KCNH7: variants seen among roughly 807,000 people sequenced by gnomAD.
The protein encoded by KCNH7 is voltage-gated inwardly rectifying potassium channel KCNH7.
In KCNH7, 49 loss-of-function variants were observed where a neutral mutation model predicts 120.8. The observed-to-expected ratio is 0.41, with a 90% CI of 0.32 to 0.51. The LOEUF (loss-of-function observed/expected upper bound fraction) is 0.51, where lower values mean the gene tolerates loss of function less well. KCNH7 is among the 20% of genes least tolerant of loss of function. The pLI, the probability that KCNH7 is intolerant of heterozygous loss-of-function variation, is 0.38. For synonymous variants in KCNH7, 547 were observed against 516.1 expected, an observed-to-expected ratio of 1.06 and a Z score of -0.81; for missense variants, 1,097 against 1,446.6, an observed-to-expected ratio of 0.76 and a Z score of 3.92.
At chr2:162,385,778 G>GTCTC (rs1686554347) in intron 12 of KCNH7, among the ~76,000 whole-genome samples, 1 of 151,824 alleles carries the variant, frequency 6.6e-6, no homozygotes, top group South Asian at 2.1e-4. Context: ...TGAAGACAGT[G>GTCTC]TCTCCATCCA....
intron 7 of KCNH7, among the ~76,000 whole-genome samples, chr2:162,444,147 C>T (rs561311640): frequency 1.3e-5 from 2 of 152,120 alleles, no homozygotes; most frequent in Non-Finnish European, 2.9e-5. Context: ...AACCTTTCTG[C>T]ACTGTGTTTG....
At chr2:162,379,663 A>G (rs917467443) in intron 14 of KCNH7, among the ~76,000 whole-genome samples, 190 bp downstream of exon 14, 23 of 152,304 alleles carry the variant, frequency 1.5e-4, no homozygotes, top group Middle Eastern at 3.4e-3. Context: ...TGCCAGAAGT[A>G]TGAAGTGTTC....
intron 2 of KCNH7, among the ~76,000 whole-genome samples, chr2:162,586,486 C>A (rs1694025793): frequency 6.6e-6 from 1 of 151,990 alleles, no homozygotes; most frequent in Admixed American, 6.6e-5. Context: ...CTGATGACTG[C>A]AACCCTGGGA....
At chr2:162,744,102 T>C (rs1366261936) in intron 2 of KCNH7, among the ~76,000 whole-genome samples, 1 of 152,030 alleles carries the variant, frequency 6.6e-6, no homozygotes. Flanking sequence ...GGTAGAACAA[T>C]TAATAAAGAA....
intron 2 of KCNH7, among the ~76,000 whole-genome samples, chr2:162,589,943 G>A (rs959882220): frequency 3.9e-4 from 60 of 152,088 alleles, no homozygotes; most frequent in African/African-American, 1.3e-3. Context: ...GGTAAGAACC[G>A]ACATATTGAG....
At chr2:162,772,824 A>G (rs572153966) in intron 2 of KCNH7, among the ~76,000 whole-genome samples, 5 of 152,324 alleles carry the variant, frequency 3.3e-5, no homozygotes, top group African/African-American at 9.6e-5. Context: ...TGTGAATATG[A>G]TATCATCCCT....
chr2:162,690,270 T>A (rs546096536), intron 2 of KCNH7, among the ~76,000 whole-genome samples: 23 of 152,208 alleles, frequency 1.5e-4, no homozygotes, highest in Admixed American at 4.6e-4. Flanking sequence ...GAAAAATAAC[T>A]AATGGGTACT....
intron 6 of KCNH7, among the ~76,000 whole-genome samples, chr2:162,486,102 A>G (rs1042097911): frequency 1.3e-5 from 2 of 152,168 alleles, no homozygotes; most frequent in Non-Finnish European, 2.9e-5. Context: ...TCAGAAAAGA[A>G]CTGGATGAGC....
At chr2:162,712,304 G>A (rs1276390722) in intron 2 of KCNH7, among the ~76,000 whole-genome samples, 2 of 151,966 alleles carry the variant, frequency 1.3e-5, no homozygotes, top group African/African-American at 4.8e-5. Flanking sequence ...ACACCTGTTG[G>A]TTCTCTTTGT....
chr2:162,540,453 T>C (rs189802469), intron 2 of KCNH7, among the ~76,000 whole-genome samples: 2 of 152,228 alleles, frequency 1.3e-5, no homozygotes, highest in Admixed American at 1.3e-4. Flanking sequence ...AAGTATACTT[T>C]ATTTTATAAG....
chr2:162,834,922 A>G (rs1685603152), intron 2 of KCNH7, among the ~76,000 whole-genome samples: 1 of 152,134 alleles, frequency 6.6e-6, no homozygotes, highest in Non-Finnish European at 1.5e-5. Flanking sequence ...AGATGGACCA[A>G]CATTCACTGA....
intron 6 of KCNH7, among the ~76,000 whole-genome samples, chr2:162,493,638 C>G (rs963626425): frequency 6.6e-6 from 1 of 152,158 alleles, no homozygotes; most frequent in African/African-American, 2.4e-5. Context: ...CAGATCTTAT[C>G]TGTGCCTAGT....
intron 2 of KCNH7, among the ~76,000 whole-genome samples, chr2:162,821,307 C>G (rs555805402): frequency 6.6e-6 from 1 of 152,292 alleles, no homozygotes; most frequent in East Asian, 1.9e-4. Flanking sequence ...GGTTAATTCT[C>G]TTTACTAAGA....
At chr2:162,794,275 G>A (rs1422957966) in intron 2 of KCNH7, among the ~76,000 whole-genome samples, 1 of 151,704 alleles carries the variant, frequency 6.6e-6, no homozygotes, top group Admixed American at 6.6e-5. Flanking sequence ...AGAGGAAAAG[G>A]AAAAGGAAAG....
At chr2:162,747,764 C>T (rs1574336051) in intron 2 of KCNH7, among the ~76,000 whole-genome samples, 4 of 152,128 alleles carry the variant, frequency 2.6e-5, no homozygotes, top group South Asian at 4.2e-4. Flanking sequence ...ATGGAATCCT[C>T]GATACTCATA....
intron 9 of KCNH7, among the ~76,000 whole-genome samples, chr2:162,422,614 G>C (rs867972392): frequency 6.6e-6 from 1 of 152,178 alleles, no homozygotes. Flanking sequence ...ATAAAAAGAG[G>C]TCTTTGGACA....
At chr2:162,685,482 T>C (rs1489045563) in intron 2 of KCNH7, among the ~76,000 whole-genome samples, 2 of 152,070 alleles carry the variant, frequency 1.3e-5, no homozygotes, top group Non-Finnish European at 2.9e-5. Flanking sequence ...TAGCGATGAA[T>C]TGTCTAGCAA....
intron 2 of KCNH7, among the ~76,000 whole-genome samples, chr2:162,718,765 T>A (rs1211172175): frequency 7.1e-6 from 1 of 140,992 alleles, no homozygotes; most frequent in Non-Finnish European, 1.7e-5. Flanking sequence ...GAATAAAACA[T>A]TTCTTCTCTA....
intron 2 of KCNH7, among the ~76,000 whole-genome samples, chr2:162,700,130 G>T (rs1048462464): frequency 6.6e-6 from 1 of 152,018 alleles, no homozygotes; most frequent in East Asian, 1.9e-4. Context: ...AAAACTTTGA[G>T]TGCTCCTCAT....
Sources: gnomAD v4.1 joint callset for allele counts (sites outside exome capture counted in the v4.1 genomes callset) on GRCh38, gnomAD v4.1.1 for gene constraint, MANE v1.5 for transcripts, NCBI Gene and HGNC (gene_info 2026-07-23, HGNC 2026-07-21) for gene names.